The following ZNF670 variants were observed in gnomAD, a reference collection of about 807,000 sequenced individuals.
The protein encoded by ZNF670 is zinc finger protein 670.
Under a neutral mutation model 10.9 loss-of-function variants are expected in ZNF670, and 7 were observed. The observed-to-expected ratio is 0.64, with a 90% CI of 0.36 to 1.20. The LOEUF is 1.20. ZNF670 is among the 50% of genes most tolerant of loss of function. The probability of loss-of-function intolerance (pLI) is 0.02; values close to 1 mark genes in which losing one functional copy is unlikely to be tolerated. For missense variants in ZNF670, 446 were observed against 458.6 expected, an observed-to-expected ratio of 0.97 and a Z score of 0.25; for synonymous variants, 136 against 152.7, an observed-to-expected ratio of 0.89 and a Z score of 0.81.
intron 1 of ZNF670, among the ~76,000 whole-genome samples, chr1:247,041,999 AT>A (rs1309659581): frequency 6.6e-6 from 1 of 152,254 alleles, no homozygotes; most frequent in African/African-American, 2.4e-5. Flanking sequence ...AAAACTCTTA[AT>A]GACTGTAGGA....
At chr1:247,051,249 G>A (rs1371619068) in intron 1 of ZNF670, among the ~76,000 whole-genome samples, 5 of 143,538 alleles carry the variant, frequency 3.5e-5, no homozygotes, top group Admixed American at 6.9e-5. Flanking sequence ...GCGAGACTCC[G>A]TCTCCAAGAA....
chr1:247,071,167 A>G (rs1671105083), intron 1 of ZNF670, among the ~76,000 whole-genome samples: 1 of 152,234 alleles, frequency 6.6e-6, no homozygotes, highest in African/African-American at 2.4e-5. Context: ...AGACACATGC[A>G]TGTGTATATT....
chr1:247,077,144 G>GT (rs1219341270), intron 1 of ZNF670, among the ~76,000 whole-genome samples: 1 of 152,222 alleles, frequency 6.6e-6, no homozygotes, highest in Non-Finnish European at 1.5e-5. Context: ...TGCCACCAAC[G>GT]TGTCTCCAAG....
At chr1:247,051,241 G>A (rs991769796) in intron 1 of ZNF670, among the ~76,000 whole-genome samples, 12 of 149,560 alleles carry the variant, frequency 8.0e-5, no homozygotes, top group East Asian at 1.9e-4. Context: ...GCGACAGAGC[G>A]AGACTCCGTC....
intron 1 of ZNF670, among the ~76,000 whole-genome samples, chr1:247,049,757 A>G (rs548704624): frequency 6.6e-6 from 1 of 152,330 alleles, no homozygotes; most frequent in African/African-American, 2.4e-5. Flanking sequence ...TTAAACTTCT[A>G]TCTTGATTTC....
At chr1:247,042,922 A>C (rs1207621323) in intron 1 of ZNF670, 1 of 679,578 alleles carries the variant, frequency 1.5e-6, no homozygotes, top group East Asian at 2.9e-5. Context: ...AACACTGTGA[A>C]TTTTCATTCA....
At position 247,049,434 on chromosome 1, in the gene ZNF670, G is replaced by A. The variant is rs182752435; in HGVS notation, c.4-9897C>T. On this transcript the variant is annotated intron_variant, in intron 1 of 3. Coordinates refer to ENST00000366503, the MANE Select transcript of ZNF670 (RefSeq NM_033213.5). ...TCTTTTCTTGGTTAATCTCACTAAT[G>A]GTATATCAATTTTGTTTATCTTTTC... Among the ~76,000 whole-genome samples, 348 of 152,050 alleles carry A rather than the reference G, an allele frequency of 2.3e-3. 1 individual carries two copies. The highest frequency in any genetic ancestry group is 8.1e-3 in the African/African-American group (335 of 41,496).
At chr1:247,054,913 G>T (rs1670681694) in intron 1 of ZNF670, among the ~76,000 whole-genome samples, 1 of 152,134 alleles carries the variant, frequency 6.6e-6, no homozygotes. Flanking sequence ...TAACAAGAAA[G>T]AAAGTAAATC....
chr1:247,052,508 T>C (rs12122290), intron 1 of ZNF670, among the ~76,000 whole-genome samples: 53,736 of 151,968 alleles, frequency 0.35, 10,954 homozygotes, highest in African/African-American at 0.55. Context: ...GTCAGGTGGA[T>C]TCTGTGAGGG....
intron 1 of ZNF670, among the ~76,000 whole-genome samples, chr1:247,056,812 C>T (rs1005565872): frequency 1.3e-5 from 2 of 152,158 alleles, no homozygotes; most frequent in African/African-American, 4.8e-5. Context: ...AAGAATAAAA[C>T]TAGACCACTA....
At chr1:247,050,493 TG>T (rs1670565925) in intron 1 of ZNF670, among the ~76,000 whole-genome samples, 1 of 151,230 alleles carries the variant, frequency 6.6e-6, no homozygotes, top group African/African-American at 2.4e-5. Flanking sequence ...TTTTTTTTTT[TG>T]AGACAGAGTC....
At chr1:247,056,012 T>A (rs1670706406) in intron 1 of ZNF670, among the ~76,000 whole-genome samples, 1 of 151,160 alleles carries the variant, frequency 6.6e-6, no homozygotes, top group African/African-American at 2.4e-5. Flanking sequence ...AGCACTCAGA[T>A]ATATAAAGCA....
chr1:247,050,879 T>C (rs1056080226), intron 1 of ZNF670, among the ~76,000 whole-genome samples: 3 of 152,346 alleles, frequency 2.0e-5, no homozygotes, highest in East Asian at 1.9e-4. Flanking sequence ...CTATTAATCA[T>C]GCTGCAAGTT....
At chr1:247,072,843 T>TACAC (rs1553323588) in intron 1 of ZNF670, among the ~76,000 whole-genome samples, 4 of 85,842 alleles carry the variant, frequency 4.7e-5, no homozygotes, top group African/African-American at 1.5e-4. Flanking sequence ...TATATATGCA[T>TACAC]ACACACACAT....
At position 247,037,478 on chromosome 1, in the gene ZNF670, G is replaced by T. The variant is rs866450813; in HGVS notation, c.1141C>A (p.Arg381=). The part of the protein sequence containing the change: ...GKAFSCSSSL[R]KHERAYMW ...CACATATAAGCTCTTTCATGCTTTC[G>T]AAGGGAACTGGAACAACTGAAGGCT... is the stretch of plus-strand genomic sequence containing the variant. The change falls in exon 4 of 4, where the codon CGA becomes AGA. Residue 381 remains arginine (R), a synonymous_variant. Transcript: ENST00000366503. 9 of 1,611,636 alleles carry T rather than the reference G, an allele frequency of 5.6e-6. No individual in the cohort carries two copies. Among genetic ancestry groups the T allele is most frequent in the African/African-American group, 5.4e-5 (4 of 74,696 alleles).
chr1:247,068,177 G>A (rs990762165), intron 1 of ZNF670, among the ~76,000 whole-genome samples: 1 of 150,184 alleles, frequency 6.7e-6, no homozygotes, highest in African/African-American at 2.5e-5. Flanking sequence ...AATTGGCCAG[G>A]TGTGGTGGTG....
At chr1:247,063,830 A>C (rs1474270202) in intron 1 of ZNF670, among the ~76,000 whole-genome samples, 1 of 152,190 alleles carries the variant, frequency 6.6e-6, no homozygotes, top group South Asian at 2.1e-4. Context: ...TCACAGCCAC[A>C]CAATCTGAGG....
intron 1 of ZNF670, among the ~76,000 whole-genome samples, chr1:247,056,343 C>T (rs764407017): frequency 2.6e-5 from 4 of 152,060 alleles, no homozygotes; most frequent in East Asian, 1.9e-4. Flanking sequence ...CTTCCCTGAC[C>T]GCAAAGGATT....
chr1:247,038,156 T>C lies in ZNF670; in HGVS notation c.463A>G (p.Ser155Gly). ...TGTGTTACCATGTGTCTGTCAACAC[T>C]GGTGAGAGAGATAAAGGCTTTCCCA... ...QCGKAFISLTSVDRHMVTHTS... is the reference protein window; with the variant it reads ...QCGKAFISLTGVDRHMVTHTS... The change falls in exon 4 of 4, where the codon AGT (serine) becomes GGT (glycine). Residue 155 changes from serine to glycine, a missense_variant. Ser to Gly is a moderately conservative substitution (Grantham distance 56). Coordinates refer to ENST00000366503, the MANE Select transcript of ZNF670 (RefSeq NM_033213.5). 6.2e-7 allele frequency: 1 copy of C among 1,614,184 alleles called. No individual in the cohort carries two copies. Among genetic ancestry groups the C allele is most frequent in the East Asian group, 2.2e-5 (1 of 44,872 alleles).
Sources: allele counts gnomAD v4.1 joint callset (sites outside exome capture counted in the v4.1 genomes callset), GRCh38; gene constraint gnomAD v4.1.1; transcripts MANE v1.5; gene names NCBI Gene and HGNC (gene_info 2026-07-23, HGNC 2026-07-21).